The following CNTN4 variants were observed in gnomAD, a reference collection of about 807,000 sequenced individuals.
CNTN4 encodes the protein contactin 4, also known as contactin-4.
A neutral mutation model predicts 122.5 loss-of-function variants in CNTN4; 77 were observed. The ratio of observed to expected loss-of-function variants is 0.63; its 90% CI spans 0.52 to 0.76. The LOEUF (loss-of-function observed/expected upper bound fraction) is 0.76. Among genes scored for constraint, CNTN4 ranks in the 30% least tolerant of loss-of-function variants. The pLI is 0.00. For synonymous variants in CNTN4, 512 were observed against 447.0 expected, an observed-to-expected ratio of 1.15 and a Z score of -1.83; for missense variants, 1,256 against 1,259.1, an observed-to-expected ratio of 1.00 and a Z score of 0.04.
At chr3:2,616,683 A>G (rs1240234669) in intron 4 of CNTN4, among the ~76,000 whole-genome samples, 1 of 152,128 alleles carries the variant, frequency 6.6e-6, no homozygotes, top group Non-Finnish European at 1.5e-5. Flanking sequence ...GACTGTCATG[A>G]GATGGTCTAA....
At position 2,877,775 on chromosome 3, in the gene CNTN4, G is replaced by A. The variant is rs60505961; in HGVS notation, c.653-5370G>A. ...CTGTGCACCAATTAATTGCAAAAGC[G>A]TACAGGTGGTCAGCAGAATGACTTG... On this transcript the variant is annotated intron_variant, in intron 8 of 24. Transcript: ENST00000418658. 8.5e-3 allele frequency among the ~76,000 whole-genome samples: 1,300 copies of A among 152,250 alleles called. 19 individuals are homozygous for A. Among genetic ancestry groups the A allele is most frequent in the African/African-American group, 0.03 (1,244 of 41,546 alleles).
At chr3:2,683,353 C>T (rs941066418) in intron 4 of CNTN4, among the ~76,000 whole-genome samples, 16 of 149,524 alleles carry the variant, frequency 1.1e-4, no homozygotes, top group African/African-American at 3.7e-4. Context: ...CACACACACA[C>T]GCAGGTGGAT....
intron 13 of CNTN4, among the ~76,000 whole-genome samples, chr3:2,987,311 A>G (rs1458180490): frequency 6.6e-6 from 1 of 152,254 alleles, no homozygotes. Flanking sequence ...ATTTTTTCAG[A>G]ATGCAATGGC....
intron 4 of CNTN4, among the ~76,000 whole-genome samples, chr3:2,701,810 A>G (rs929490523): frequency 6.6e-6 from 1 of 152,186 alleles, no homozygotes; most frequent in Non-Finnish European, 1.5e-5. Context: ...CTGCAAAAGT[A>G]ATTGCAGTTT....
intron 13 of CNTN4, among the ~76,000 whole-genome samples, chr3:2,945,050 C>T (rs1271308394): frequency 6.6e-6 from 1 of 152,122 alleles, no homozygotes; most frequent in East Asian, 1.9e-4. Flanking sequence ...GGAGGCAGTT[C>T]CCCGTTTCAG....
intron 3 of CNTN4, among the ~76,000 whole-genome samples, chr3:2,512,374 AT>A (rs1407686387): frequency 1.3e-5 from 2 of 152,202 alleles, no homozygotes; most frequent in Admixed American, 6.5e-5. Flanking sequence ...AACAAAAAAA[AT>A]CACTTTAAAT....
chr3:2,518,225 G>A (rs2077094754), intron 3 of CNTN4, among the ~76,000 whole-genome samples: 1 of 152,096 alleles, frequency 6.6e-6, no homozygotes. Flanking sequence ...ATGTGTGTGT[G>A]TGTGTGTGTG....
At chr3:2,865,643 C>T (rs2093716021) in intron 7 of CNTN4, among the ~76,000 whole-genome samples, 1 of 152,142 alleles carries the variant, frequency 6.6e-6, no homozygotes. Context: ...GCTAGTATAT[C>T]ACTTCTCCAG....
intron 4 of CNTN4, among the ~76,000 whole-genome samples, chr3:2,694,122 C>T (rs756042523): frequency 1.3e-5 from 2 of 152,166 alleles, no homozygotes; most frequent in African/African-American, 2.4e-5. Flanking sequence ...CTGGAATCCT[C>T]TCTCTTTAAT....
chr3:2,946,704 C>CTTTTTT (rs55883455), intron 13 of CNTN4, among the ~76,000 whole-genome samples: 6 of 119,386 alleles, frequency 5.0e-5, no homozygotes, highest in Non-Finnish European at 5.0e-5. Flanking sequence ...TTTTTTTTTT[C>CTTTTTT]TTTTTTTTTT....
intron 13 of CNTN4, among the ~76,000 whole-genome samples, chr3:2,939,923 G>A (rs981294219): frequency 4.6e-5 from 7 of 152,180 alleles, no homozygotes; most frequent in East Asian, 1.9e-4. Flanking sequence ...GTTAGCCATC[G>A]GCAGAATATT....
At chr3:2,821,065 G>A (rs990569862) in intron 7 of CNTN4, among the ~76,000 whole-genome samples, 6 of 146,026 alleles carry the variant, frequency 4.1e-5, no homozygotes, top group African/African-American at 1.3e-4. Flanking sequence ...AGGTTCAATC[G>A]ATTCTCATGC....
At chr3:2,731,033 A>G (rs1339356228) in intron 4 of CNTN4, among the ~76,000 whole-genome samples, 1 of 152,002 alleles carries the variant, frequency 6.6e-6, no homozygotes, top group African/African-American at 2.4e-5. Context: ...TTTTAAGTCA[A>G]AAAATATTTT....
intron 2 of CNTN4, among the ~76,000 whole-genome samples, chr3:2,131,282 A>G (rs909693110): frequency 1.3e-5 from 2 of 152,142 alleles, no homozygotes; most frequent in African/African-American, 4.8e-5. Context: ...TGTGCACAAT[A>G]ACTAGTTATC....
intron 13 of CNTN4, among the ~76,000 whole-genome samples, chr3:2,932,511 G>T (rs1210767777): frequency 6.6e-6 from 1 of 152,166 alleles, no homozygotes; most frequent in Non-Finnish European, 1.5e-5. Flanking sequence ...GAGGCTCTAG[G>T]GGAGAATCTG....
rs575089245 is a variant in CNTN4, at chr3:2,455,826, G to A, written c.-88-115590G>A. Among the ~76,000 whole-genome samples the A allele has an allele frequency of 4.5e-4, 69 of 152,114 alleles. No homozygotes were observed. In the South Asian group the frequency reaches 0.013, roughly 28 times the overall value. On this transcript the variant is annotated intron_variant, in intron 3 of 24. Transcript: ENST00000418658. ...TTTGGGGGAAAGCTTTTGTGCACAG[G>A]TCAGCAAAGTTAACTGTTGTATTAG...
chr3:2,155,331 C>T (rs1294611566), intron 2 of CNTN4, among the ~76,000 whole-genome samples: 4 of 152,086 alleles, frequency 2.6e-5, no homozygotes, highest in Non-Finnish European at 4.4e-5. Context: ...GGGTGTGGGA[C>T]GCCTGGTGCC....
At chr3:2,980,650 C>T (rs2125192850) in intron 13 of CNTN4, among the ~76,000 whole-genome samples, 2 of 152,234 alleles carry the variant, frequency 1.3e-5, no homozygotes, top group Middle Eastern at 6.8e-3. Flanking sequence ...AAATTAAGGA[C>T]ACGGGCACAC....
At chr3:2,562,342 T>G (rs1426397111) in intron 3 of CNTN4, among the ~76,000 whole-genome samples, 1 of 152,162 alleles carries the variant, frequency 6.6e-6, no homozygotes, top group Non-Finnish European at 1.5e-5. Flanking sequence ...GCAGTGAGCA[T>G]AGTACCCAAT....
Sources: allele counts gnomAD v4.1 joint callset (sites outside exome capture counted in the v4.1 genomes callset), GRCh38; gene constraint gnomAD v4.1.1; transcripts MANE v1.5; gene names NCBI Gene and HGNC (gene_info 2026-07-23, HGNC 2026-07-21).